The following MAST2 variants were observed in gnomAD, a reference collection of about 807,000 sequenced individuals.
MAST2 encodes the protein microtubule associated serine/threonine kinase 2, also known as microtubule-associated serine/threonine-protein kinase 2.
MAST2 carries 70 observed loss-of-function variants against 147.4 expected under a neutral mutation model. The ratio of observed to expected loss-of-function variants is 0.47; its 90% confidence interval spans 0.39 to 0.58. The LOEUF (loss-of-function observed/expected upper bound fraction) is 0.58, where lower values mean the gene tolerates loss of function less well. Among genes scored for constraint, MAST2 ranks in the 20% least tolerant of loss-of-function variants. The probability of loss-of-function intolerance (pLI) is 0.00; values close to 1 mark genes in which losing one functional copy is unlikely to be tolerated. For synonymous variants in MAST2, 869 were observed against 896.8 expected (o/e 0.97, Z 0.55); for missense variants, 2,080 against 2,302.3 (o/e 0.90, Z 1.98).
At chr1:45,930,936 C>T (rs1043985249) in intron 4 of MAST2, among the ~76,000 whole-genome samples, 1 of 152,174 alleles carries the variant, frequency 6.6e-6, no homozygotes, top group Non-Finnish European at 1.5e-5. Flanking sequence ...GTTTGACAGC[C>T]CTTGTCCTAA....
chr1:45,868,620 G>A (rs1646258324), intron 3 of MAST2, among the ~76,000 whole-genome samples: 1 of 152,022 alleles, frequency 6.6e-6, no homozygotes, highest in South Asian at 2.1e-4. Flanking sequence ...TATTTTGGAG[G>A]ATATATGACA....
At chr1:45,997,674 C>A in intron 5 of MAST2, 50 bp from the exon 6 acceptor site, 1 of 1,420,242 alleles carries the variant, frequency 7.0e-7, no homozygotes, top group Non-Finnish European at 1.0e-6. Context: ...TCATGTCCAC[C>A]CTCCTCACAA....
chr1:46,016,446 C>CA (rs1645943822), intron 10 of MAST2, among the ~76,000 whole-genome samples: 1 of 151,794 alleles, frequency 6.6e-6, no homozygotes, highest in Non-Finnish European at 1.5e-5. Context: ...TGTCTCAGCC[C>CA]AAAATCTCCT....
At chr1:45,897,800 C>A (rs750898772) in intron 4 of MAST2, among the ~76,000 whole-genome samples, 6 of 150,352 alleles carry the variant, frequency 4.0e-5, no homozygotes, top group Non-Finnish European at 7.4e-5. Context: ...CAGAGCAAGA[C>A]CCTGTCTTAA....
In MAST2 at chr1:46,030,738, C is replaced by A; in HGVS notation, c.2685C>A (p.Ser895Arg). Residue 895 changes from serine (S) to arginine (R), a missense_variant, in exon 22 of 29, where the codon AGC (serine) becomes AGA (arginine). By Grantham distance (110) the Ser-to-Arg change is moderately radical (BLOSUM62 -1). Transcript: ENST00000361297. Reference protein sequence around the residue: ...GLAGLKGRDRSWVIGSPEILR... With the variant: ...GLAGLKGRDRRWVIGSPEILR... ...CAGGGCTCAAAGGCCGAGACCGGAG[C>A]TGGGTGATTGGCTCCCCTGAGATGT... 6.3e-7 allele frequency: 1 copy of A among 1,590,466 alleles called. No individual in the cohort carries two copies. Among genetic ancestry groups the A allele is most frequent in the Admixed American group, 1.9e-5 (1 of 52,768 alleles).
chr1:45,974,792 A>G (rs563701332), intron 5 of MAST2, among the ~76,000 whole-genome samples: 6 of 152,338 alleles, frequency 3.9e-5, no homozygotes, highest in South Asian at 4.1e-4. Context: ...CAGCTTTTCT[A>G]TATGACTTTC....
At chr1:45,918,940 T>C (rs962454433) in intron 4 of MAST2, among the ~76,000 whole-genome samples, 8 of 151,992 alleles carry the variant, frequency 5.3e-5, no homozygotes, top group Non-Finnish European at 1.0e-4. Flanking sequence ...CTGGGCAACA[T>C]GGTGAAACCC....
intron 4 of MAST2, among the ~76,000 whole-genome samples, chr1:45,907,787 C>G (rs1651017460): frequency 6.6e-6 from 1 of 152,128 alleles, no homozygotes; most frequent in Non-Finnish European, 1.5e-5. Flanking sequence ...TTTGCCTCTT[C>G]TAAATACTTC....
chr1:45,917,770 A>G (rs1350257802), intron 4 of MAST2, among the ~76,000 whole-genome samples: 7 of 152,172 alleles, frequency 4.6e-5, no homozygotes, highest in Admixed American at 4.6e-4. Context: ...CATCCTGACC[A>G]TTGGACAGCC....
intron 3 of MAST2, 80 bp downstream of exon 3, chr1:45,829,661 C>G (rs192300047): frequency 1.3e-5 from 18 of 1,391,372 alleles, no homozygotes; most frequent in Non-Finnish European, 1.8e-5. Flanking sequence ...TATTCTTTTT[C>G]CTTTTTAGGA....
At chr1:45,960,065 C>T (rs955007161) in intron 5 of MAST2, among the ~76,000 whole-genome samples, 4 of 152,090 alleles carry the variant, frequency 2.6e-5, no homozygotes, top group African/African-American at 7.2e-5. Context: ...CCACTGCACC[C>T]GGGTTGGAGT....
chr1:46,013,950 TA>T (rs1392392841), intron 10 of MAST2, among the ~76,000 whole-genome samples: 1 of 152,142 alleles, frequency 6.6e-6, no homozygotes, highest in African/African-American at 2.4e-5. Flanking sequence ...ACCAATACTT[TA>T]AAAGAAGAAA....
At chr1:45,856,232 G>GGGA (rs1645785009) in intron 3 of MAST2, among the ~76,000 whole-genome samples, 1 of 152,134 alleles carries the variant, frequency 6.6e-6, no homozygotes, top group African/African-American at 2.4e-5. Context: ...GGCTGAGGTG[G>GGGA]GGGGATTGCT....
At chr1:45,885,095 A>C (rs1647023385) in intron 4 of MAST2, among the ~76,000 whole-genome samples, 2 of 152,214 alleles carry the variant, frequency 1.3e-5, no homozygotes, top group Non-Finnish European at 2.9e-5. Flanking sequence ...TGATGTTAAT[A>C]AAATGAGTGA....
chr1:45,843,152 TAA>T (rs1409979798), intron 3 of MAST2, among the ~76,000 whole-genome samples: 1 of 152,178 alleles, frequency 6.6e-6, no homozygotes, highest in Non-Finnish European at 1.5e-5. Flanking sequence ...TTTGTTGTTT[TAA>T]GTTTGTTATA....
intron 3 of MAST2, among the ~76,000 whole-genome samples, chr1:45,837,254 T>C (rs931300029): frequency 2.6e-5 from 4 of 152,214 alleles, no homozygotes; most frequent in South Asian, 2.1e-4. Context: ...CCAAGTTCGC[T>C]TGTGTCCCTT....
At chr1:45,935,652 C>A (rs1244174055) in intron 4 of MAST2, among the ~76,000 whole-genome samples, 1 of 152,120 alleles carries the variant, frequency 6.6e-6, no homozygotes, top group African/African-American at 2.4e-5. Context: ...ATAGGGATTC[C>A]TTTTTGCATT....
At chr1:45,980,684 A>C (rs537677835) in intron 5 of MAST2, among the ~76,000 whole-genome samples, 6 of 152,158 alleles carry the variant, frequency 3.9e-5, no homozygotes, top group African/African-American at 1.4e-4. Context: ...ACATGTGCGC[A>C]CCACTATGCC....
intron 1 of MAST2, among the ~76,000 whole-genome samples, chr1:45,821,985 T>C (rs1644649743): frequency 1.4e-5 from 2 of 144,808 alleles, no homozygotes. Flanking sequence ...ACCTCCCAGG[T>C]TCACGCGATT....
Sources: allele counts gnomAD v4.1 joint callset (sites outside exome capture counted in the v4.1 genomes callset), GRCh38; gene constraint gnomAD v4.1.1; transcripts MANE v1.5; gene names NCBI Gene and HGNC (gene_info 2026-07-23, HGNC 2026-07-21).